GLB1L3: variants seen among roughly 807,000 people sequenced by gnomAD.
GLB1L3 encodes the protein galactosidase beta 1 like 3, also known as beta-galactosidase-1-like protein 3.
In GLB1L3, 89 loss-of-function variants were observed where a neutral mutation model predicts 89.5. That is an observed-to-expected ratio of 0.99 (90% CI 0.84 to 1.19). The LOEUF (loss-of-function observed/expected upper bound fraction) is 1.19. Among genes scored for constraint, GLB1L3 ranks in the 50% most tolerant of loss-of-function variants. The pLI is 0.00. For synonymous variants in GLB1L3, 314 were observed against 312.3 expected, an observed-to-expected ratio of 1.01 and a Z score of -0.06; for missense variants, 812 against 813.3, an observed-to-expected ratio of 1.00 and a Z score of 0.02.
At chr11:134,284,336 A>G (rs1940865047) in intron 6 of GLB1L3, among the ~76,000 whole-genome samples, 2 of 151,728 alleles carry the variant, frequency 1.3e-5, no homozygotes, top group African/African-American at 4.9e-5. Context: ...CCTCTCAGGC[A>G]TTTTTCTTTT....
intron 5 of GLB1L3, among the ~76,000 whole-genome samples, chr11:134,282,627 C>T (rs1012748463): frequency 2.0e-5 from 3 of 152,150 alleles, no homozygotes; most frequent in Non-Finnish European, 4.4e-5. Flanking sequence ...GCTCCCCTCC[C>T]TTCCCTCTTG....
At chr11:134,287,879 A>T (rs1469310936) in intron 6 of GLB1L3, among the ~76,000 whole-genome samples, 2 of 152,194 alleles carry the variant, frequency 1.3e-5, no homozygotes, top group African/African-American at 4.8e-5. Flanking sequence ...CTCCTTCCTT[A>T]GTGCCCTCAG....
rs772001645 is a variant in GLB1L3 at position 134,313,490 on chromosome 11, G to A, written c.1579+16G>A. The A allele has an allele frequency of 2.6e-6, 4 of 1,562,122 alleles. No homozygotes were observed. In the African/African-American group the frequency reaches 5.4e-5, roughly 21 times the overall value. ...GAGCAGAAAGGTGGGCTCTGGCTGTGGCTTCTCCTCAGTTGCTCAGAACCG... is the reference window on the plus strand; with the variant it reads ...GAGCAGAAAGGTGGGCTCTGGCTGTAGCTTCTCCTCAGTTGCTCAGAACCG... On this transcript the variant is annotated intron_variant, in intron 16 of 19. Transcript: ENST00000431683.
intron 10 of GLB1L3, 113 bp from the exon 11 acceptor site, chr11:134,309,513 G>A: frequency 1.6e-6 from 1 of 625,384 alleles, no homozygotes; most frequent in Non-Finnish European, 2.6e-6. Flanking sequence ...CGTGAAGCGA[G>A]GAGTTACTGT....
chr11:134,291,758 T>G (rs1258844), intron 7 of GLB1L3, among the ~76,000 whole-genome samples: 72,799 of 151,966 alleles, frequency 0.48, 18,115 homozygotes, highest in Non-Finnish European at 0.54. Flanking sequence ...GAGGCTCACT[T>G]CAGGCCAGGA....
At chr11:134,281,218 G>T in intron 3 of GLB1L3, among the ~76,000 whole-genome samples, 159 bp from the exon 4 acceptor site, 1 of 152,188 alleles carries the variant, frequency 6.6e-6, no homozygotes, top group East Asian at 1.9e-4. Context: ...TATTAAAGAT[G>T]GTCATGGTTA....
intron 9 of GLB1L3, among the ~76,000 whole-genome samples, chr11:134,298,188 T>G (rs1941760954): frequency 6.6e-6 from 1 of 152,146 alleles, no homozygotes; most frequent in African/African-American, 2.4e-5. Flanking sequence ...TCCTGCTTGG[T>G]GTTCCAGGAG....
At chr11:134,284,804 T>C (rs1313737162) in intron 6 of GLB1L3, among the ~76,000 whole-genome samples, 4 of 152,056 alleles carry the variant, frequency 2.6e-5, no homozygotes, top group East Asian at 1.9e-4. Context: ...TTTCCATTTA[T>C]GTTGTAAAAA....
chr11:134,313,615 C>T (rs1408188000), intron 16 of GLB1L3, 141 bp downstream of exon 16: 78 of 740,864 alleles, frequency 1.1e-4, no homozygotes, highest in South Asian at 1.0e-3. Flanking sequence ...GATGCAAAAT[C>T]GGCCCCTCGC....
intron 9 of GLB1L3, among the ~76,000 whole-genome samples, chr11:134,294,659 T>C (rs1899113): frequency 0.068 from 10,284 of 152,284 alleles, 572 homozygotes; most frequent in East Asian, 0.17. Context: ...TCTCCAGCCC[T>C]GGGCAGCCAC....
chr11:134,313,950 G>T lies in GLB1L3; in HGVS notation c.1589G>T (p.Gly530Val). The change falls in exon 17 of 20, where the codon GGA becomes GTA. Residue 530 changes from glycine (G) to valine (V), a missense_variant. Transcript: ENST00000431683. ...CCATCTGCATCTGCAGGAATAACTG[G>T]ATCTGTCAGCATCAATAACTCTTCC... is the stretch of plus-strand genomic sequence containing the variant. ...QIQNEQKGITGSVSINNSSLE... is the reference protein window; with the variant it reads ...QIQNEQKGITVSVSINNSSLE... The T allele has an allele frequency of 6.2e-7, 1 of 1,608,510 alleles. No homozygotes were observed. The highest frequency in any genetic ancestry group is 1.1e-5 in the South Asian group (1 of 90,664).
Position 134,282,218 on chromosome 11 carries a change from C to A in GLB1L3, c.527+98C>A, listed in dbSNP as rs1364808625. ...AGTAACAAGGAAAGTAACCTTTATT[C>A]ACGGAGCCGATGGGAGGTGTGCTGC... On this transcript the variant is annotated intron_variant, in intron 5 of 19. Coordinates refer to ENST00000431683, the MANE Select transcript of GLB1L3 (RefSeq NM_001080407.3). 3 of 1,385,444 alleles carry A rather than the reference C, an allele frequency of 2.2e-6. No individual in the cohort carries two copies. In the African/African-American group the frequency reaches 4.4e-5, roughly 20 times the overall value. The allele number at this position is 1,385,444 out of a possible 1,614,324, so 85.8% of individuals were successfully genotyped here.
At chr11:134,277,661 C>T in intron 2 of GLB1L3, 39 bp from the exon 3 acceptor site, 1 of 1,574,252 alleles carries the variant, frequency 6.4e-7, no homozygotes, top group South Asian at 1.1e-5. Context: ...CGAATCCTCT[C>T]TCCCTTTCCA....
chr11:134,314,550 CTCT>C, intron 18 of GLB1L3, 109 bp downstream of exon 18: 2 of 728,180 alleles, frequency 2.7e-6, no homozygotes, highest in South Asian at 1.6e-5. Context: ...TCTTCTTTTC[CTCT>C]TCTTCCTCAT....
intron 6 of GLB1L3, among the ~76,000 whole-genome samples, chr11:134,286,487 G>A (rs1159891940): frequency 6.7e-6 from 1 of 148,468 alleles, no homozygotes; most frequent in African/African-American, 2.5e-5. Context: ...AAACCAGAAA[G>A]ACTGGTGGCC....
intron 9 of GLB1L3, 47 bp from the exon 10 acceptor site, chr11:134,307,077 T>C (rs1157693490): frequency 1.4e-6 from 2 of 1,445,572 alleles, no homozygotes; most frequent in African/African-American, 2.8e-5. Flanking sequence ...CTGATTTTTC[T>C]TTTTTGTTTT....
intron 18 of GLB1L3, among the ~76,000 whole-genome samples, chr11:134,315,761 TTAAG>T (rs1481791542): frequency 1.3e-5 from 2 of 152,186 alleles, no homozygotes; most frequent in Admixed American, 6.5e-5. Context: ...TCTTACTGTG[TTAAG>T]TATTTATTTT....
intron 5 of GLB1L3, 126 bp from the exon 6 acceptor site, chr11:134,283,611 G>A: frequency 1.7e-6 from 1 of 600,818 alleles, no homozygotes; most frequent in Non-Finnish European, 3.0e-6. Context: ...CAGGACCCGA[G>A]TGCTCCGGGA....
chr11:134,304,193 A>G (rs1942079208), intron 9 of GLB1L3, among the ~76,000 whole-genome samples: 2 of 152,036 alleles, frequency 1.3e-5, no homozygotes, highest in Non-Finnish European at 2.9e-5. Flanking sequence ...TGTGCTGGGT[A>G]TCTCTTTAGT....
Sources: allele counts gnomAD v4.1 joint callset (sites outside exome capture counted in the v4.1 genomes callset), GRCh38; gene constraint gnomAD v4.1.1; transcripts MANE v1.5; gene names NCBI Gene and HGNC (gene_info 2026-07-23, HGNC 2026-07-21).